FCN1: variants seen among roughly 807,000 people sequenced by gnomAD.
The protein encoded by FCN1 is ficolin 1, also known as ficolin-1.
A neutral mutation model predicts 35.6 loss-of-function variants in FCN1; 42 were observed. The ratio of observed to expected loss-of-function variants is 1.18; its 90% CI spans 0.92 to 1.53. The LOEUF is 1.53. Among genes scored for constraint, FCN1 ranks in the 40% most tolerant of loss-of-function variants. The probability of loss-of-function intolerance (pLI) is 0.00; values close to 1 mark genes in which losing one functional copy is unlikely to be tolerated. For synonymous variants in FCN1, 179 were observed against 169.8 expected (o/e 1.05, Z -0.42); for missense variants, 439 against 428.4 (o/e 1.02, Z -0.22).
At chr9:134,912,253 G>A (rs539666757) in intron 7 of FCN1, among the ~76,000 whole-genome samples, 1 of 152,346 alleles carries the variant, frequency 6.6e-6, no homozygotes, top group South Asian at 2.1e-4. Context: ...TAAGATGCCA[G>A]TAGGACCAAG....
Position 134,903,420 on chromosome 9 carries a change from A to T in FCN1, c.*6378T>A, listed in dbSNP as rs1218418157. Among the ~76,000 whole-genome samples the T allele has an allele frequency of 6.6e-6, 1 of 152,158 alleles. No homozygotes were observed. The highest frequency in any genetic ancestry group is 1.5e-5 in the Non-Finnish European group (1 of 68,010). Reference sequence around the variant, plus strand: ...GAAATCATATTAAGTTTGTTCTCTGACCCTGATAGAGGTAAGCCAGAAATC... The same window carrying T: ...GAAATCATATTAAGTTTGTTCTCTGTCCCTGATAGAGGTAAGCCAGAAATC... On this transcript the variant is annotated 3_prime_UTR_variant, in exon 9 of 9. Transcript: ENST00000371806.
In FCN1 at chr9:134,912,646, G is replaced by A. The variant is rs766657604; in HGVS notation, c.469-31C>T. The A allele has an allele frequency of 3.0e-5, 49 of 1,613,740 alleles. No individual in the cohort carries two copies. In the Admixed American group the frequency reaches 4.7e-4, roughly 15 times the overall value. On this transcript the variant is annotated intron_variant, in intron 6 of 8. Coordinates refer to ENST00000371806, the MANE Select transcript of FCN1 (RefSeq NM_002003.5). ...AAGAAGCCAGGATACAGAGTTAGGC[G>A]GGGCAGGCCGAGGTCCCACAGCACC... is the stretch of plus-strand genomic sequence containing the variant.
At chr9:134,910,867 G>A (rs775184968) in intron 8 of FCN1, among the ~76,000 whole-genome samples, 5 of 152,234 alleles carry the variant, frequency 3.3e-5, no homozygotes, top group Admixed American at 1.3e-4. Context: ...AAAGGACGAC[G>A]TCTTCCAGGT....
rs1270638124 is a variant in FCN1, at chr9:134,907,654, A to G, written c.*2144T>C. On this transcript the variant is annotated 3_prime_UTR_variant, in exon 9 of 9. Coordinates refer to ENST00000371806, the MANE Select transcript of FCN1 (RefSeq NM_002003.5). The stretch of plus-strand genomic sequence containing the variant: ...CACCTAAATATGCATCCAAAATACC[A>G]TTGGCTACTTTTGCTTTTGAAAAAC... 6.6e-6 allele frequency: 1 copy of G among 152,170 alleles called. No homozygotes were observed. The highest frequency in any genetic ancestry group is 1.5e-5 in the Non-Finnish European group (1 of 68,034). The allele number at this position is 152,170 out of a possible 1,614,324, so 9.4% of individuals were successfully genotyped here. A position where few individuals can be genotyped will look rare whatever the true frequency, so the allele number is the denominator to read the frequency against.
At chr9:134,916,829 A>G (rs898410989) in intron 1 of FCN1, among the ~76,000 whole-genome samples, 2 of 152,264 alleles carry the variant, frequency 1.3e-5, no homozygotes, top group African/African-American at 4.8e-5. Flanking sequence ...ATAACTAATG[A>G]CAATCAATAT....
intron 2 of FCN1, among the ~76,000 whole-genome samples, 172 bp downstream of exon 2, chr9:134,916,176 A>C (rs111746720): frequency 7.6e-4 from 115 of 152,264 alleles, no homozygotes; most frequent in African/African-American, 2.5e-3. Flanking sequence ...CCATTTCAGA[A>C]CCCTGTTGGG....
Position 134,905,864 on chromosome 9 carries a change from C to CTCTTCTTCTTCTTCTTCTTCT in FCN1, c.*3913_*3933dup, listed in dbSNP as rs1206593565. On this transcript the variant is annotated 3_prime_UTR_variant, in exon 9 of 9. Transcript: ENST00000371806. ...CCTCTTCCTCTTCCTCTTCCTCTTCCTCTTCTTCTTCTTCTTCTTCTTCTT... is the reference window on the plus strand; with the variant it reads ...CCTCTTCCTCTTCCTCTTCCTCTTCCTCTTCTTCTTCTTCTTCTTCTTCTTCTTCTTCTTCTTCTTCTTCTT... The CTCTTCTTCTTCTTCTTCTTCT allele has an allele frequency of 8.7e-5, 4 of 45,848 alleles. No individual in the cohort carries two copies. The highest frequency in any genetic ancestry group is 1.5e-4 in the Non-Finnish European group (4 of 26,918). The allele number at this position is 45,848 out of a possible 1,614,324, so 2.8% of individuals were successfully genotyped here. A position where few individuals can be genotyped will look rare whatever the true frequency, so the allele number is the denominator to read the frequency against.
chr9:134,905,902 CTTCTTCTTCTT>C lies in FCN1; in HGVS notation c.*3885_*3895del, dbSNP rs1830948441. On this transcript the variant is annotated 3_prime_UTR_variant, in exon 9 of 9. Coordinates refer to ENST00000371806, the MANE Select transcript of FCN1 (RefSeq NM_002003.5). ...TCTTCTTCTTCTTCTTCTTCTTCTT[CTTCTTCTTCTT>C]CTTCTTCTTCTCCCTCTCCCTCTCC... The C allele has an allele frequency of 3.1e-5, 3 of 95,322 alleles. No homozygotes were observed. The highest frequency in any genetic ancestry group is 1.9e-4 in the African/African-American group (3 of 16,046). The allele number at this position is 95,322 out of a possible 1,614,324, so 5.9% of individuals were successfully genotyped here.
At chr9:134,915,195 C>G (rs1030124501) in intron 2 of FCN1, among the ~76,000 whole-genome samples, 1 of 152,178 alleles carries the variant, frequency 6.6e-6, no homozygotes, top group Non-Finnish European at 1.5e-5. Context: ...CATCCTACCA[C>G]GTCCCCACAC....
At position 134,908,937 on chromosome 9, in the gene FCN1, T is replaced by C. The variant is rs1830986599; in HGVS notation, c.*861A>G. The C allele has an allele frequency of 7.5e-6, 2 of 268,162 alleles. No homozygotes were observed. Among genetic ancestry groups the C allele is most frequent in the Admixed American group, 1.0e-4 (2 of 20,018 alleles). The allele number at this position is 268,162 out of a possible 1,614,324, so 16.6% of individuals were successfully genotyped here. A position where few individuals can be genotyped will look rare whatever the true frequency, so the allele number is the denominator to read the frequency against. On this transcript the variant is annotated 3_prime_UTR_variant, in exon 9 of 9. Transcript: ENST00000371806. The stretch of plus-strand genomic sequence containing the variant: ...GGTTCCCTTAGTGTCCTTCGGTAAG[T>C]GGGAGCTCTTGATTTGAATGGAGTC...
In FCN1 at chr9:134,909,037, C is replaced by G. The variant is rs960107425; in HGVS notation, c.*761G>C. The G allele has an allele frequency of 2.6e-6, 1 of 380,666 alleles. No individual in the cohort carries two copies. The highest frequency in any genetic ancestry group is 3.8e-5 in the Admixed American group (1 of 26,212). The allele number at this position is 380,666 out of a possible 1,614,324, so 23.6% of individuals were successfully genotyped here. ...TCCCCTGGCCTGGGAGCTGGAGAAGCCCCTTCTCCATCATCTCCTAGAAGC... is the reference window on the plus strand; with the variant it reads ...TCCCCTGGCCTGGGAGCTGGAGAAGGCCCTTCTCCATCATCTCCTAGAAGC... On this transcript the variant is annotated 3_prime_UTR_variant, in exon 9 of 9. Coordinates refer to ENST00000371806, the MANE Select transcript of FCN1 (RefSeq NM_002003.5).
Position 134,911,197 on chromosome 9 carries a change from G to C in FCN1, c.669C>G (p.Phe223Leu), listed in dbSNP as rs1192035138. The C allele has an allele frequency of 2.5e-6, 4 of 1,614,096 alleles. No homozygotes were observed. Among genetic ancestry groups the C allele is most frequent in the Non-Finnish European group, 3.4e-6 (4 of 1,179,988 alleles). The change falls in exon 8 of 9, where the codon TTC (phenylalanine) becomes TTG (leucine). Residue 223 changes from phenylalanine (F) to leucine (L), a missense_variant. Coordinates refer to ENST00000371806, the MANE Select transcript of FCN1 (RefSeq NM_002003.5). ...ACTTCTCTGCCTCGTCAGCCACCTT[G>C]AATGATTTGTACTTAGCAAACTGGT... Reference protein sequence around the residue: ...GNHQFAKYKSFKVADEAEKYK... With the variant: ...GNHQFAKYKSLKVADEAEKYK...
At chr9:134,916,305 G>T in intron 2 of FCN1, 43 bp downstream of exon 2, 1 of 1,421,794 alleles carries the variant, frequency 7.0e-7, no homozygotes, top group Non-Finnish European at 1.0e-6. Flanking sequence ...GCAAGAGCCA[G>T]TGCCCCTGCC....
chr9:134,914,676 T>A, intron 3 of FCN1, 80 bp downstream of exon 3: 1 of 1,042,138 alleles, frequency 9.6e-7, no homozygotes, highest in Non-Finnish European at 1.5e-6. Context: ...TCTCTGTCTC[T>A]GTCTCTCCCT....
rs758083254 is a variant in FCN1 at position 134,909,975 on chromosome 9, C to G, written c.804G>C (p.Ser268=). 1.2e-6 allele frequency: 2 copies of G among 1,614,090 alleles called. No individual in the cohort carries two copies. Among genetic ancestry groups the G allele is most frequent in the Admixed American group, 1.7e-5 (1 of 60,022 alleles). The change falls in exon 9 of 9, where the codon TCG becomes TCC. Residue 268 remains serine (S), a synonymous_variant. Coordinates refer to ENST00000371806, the MANE Select transcript of FCN1 (RefSeq NM_002003.5). The part of the protein sequence containing the change: ...TKDQDNDVSS[S]NCAEKFQGAW... The stretch of plus-strand genomic sequence containing the variant: ...CTCCTTGGAACTTCTCAGCACAATT[C>G]GAAGAACTCACATCATTGTCTTGGT...
At chr9:134,914,259 A>T (rs950238979) in intron 4 of FCN1, 126 bp downstream of exon 4, 3 of 870,044 alleles carry the variant, frequency 3.4e-6, no homozygotes, top group African/African-American at 1.7e-5. Context: ...GACTCCTTCC[A>T]CCCCTCCCTG....
At position 134,905,783 on chromosome 9, in the gene FCN1, C is replaced by CGCTGCTGCTGCTGCT. The variant is rs200871731; in HGVS notation, c.*4014_*4015insAGCAGCAGCAGCAGC. On this transcript the variant is annotated 3_prime_UTR_variant, in exon 9 of 9. Coordinates refer to ENST00000371806, the MANE Select transcript of FCN1 (RefSeq NM_002003.5). ...ACAAGCGTGAGCCACCGCGCCTGGC[C>CGCTGCTGCTGCTGCT]GCTGCTGCTGCTTCTTCTTCTTCTT... 8.3e-6 allele frequency: 1 copy of CGCTGCTGCTGCTGCT among 120,672 alleles called. No homozygotes were observed. The highest frequency in any genetic ancestry group is 6.3e-5 in the African/African-American group (1 of 15,774). The allele number at this position is 120,672 out of a possible 1,614,324, so 7.5% of individuals were successfully genotyped here. A position where few individuals can be genotyped will look rare whatever the true frequency, so the allele number is the denominator to read the frequency against.
rs80280635 is a variant in FCN1, at chr9:134,914,966, C to A, written c.218-157G>T. Among the ~76,000 whole-genome samples, 632 of 152,240 alleles carry A rather than the reference C, an allele frequency of 4.2e-3. 5 individuals are homozygous for A. The highest frequency in any genetic ancestry group is 0.014 in the African/African-American group (599 of 41,544). ...TCAGAATTGCTAGCCATGGATTTAG[C>A]CTGGGGGTGACTGCAGATGGAGGTG... On this transcript the variant is annotated intron_variant, in intron 2 of 8. Coordinates refer to ENST00000371806, the MANE Select transcript of FCN1 (RefSeq NM_002003.5).
rs972822015 is a variant in FCN1, at chr9:134,907,213, A to G, written c.*2585T>C. The stretch of plus-strand genomic sequence containing the variant: ...AAAAATGCTTACCTACTGAGGGACG[A>G]AAGTACTATCCCAATAGTGGATTTT... On this transcript the variant is annotated 3_prime_UTR_variant, in exon 9 of 9. Transcript: ENST00000371806. 1.1e-4 allele frequency: 17 copies of G among 152,266 alleles called. No individual in the cohort carries two copies. The highest frequency in any genetic ancestry group is 3.9e-4 in the African/African-American group (16 of 41,474). The allele number at this position is 152,266 out of a possible 1,614,324, so 9.4% of individuals were successfully genotyped here. A position where few individuals can be genotyped will look rare whatever the true frequency, so the allele number is the denominator to read the frequency against.
Sources: allele counts gnomAD v4.1 joint callset (sites outside exome capture counted in the v4.1 genomes callset), GRCh38; gene constraint gnomAD v4.1.1; transcripts MANE v1.5; gene names NCBI Gene and HGNC (gene_info 2026-07-23, HGNC 2026-07-21).